Variants in SLC16A10 observed in about 807,000 individuals in gnomAD.
SLC16A10 encodes the protein solute carrier family 16 member 10.
SLC16A10 carries 27 observed loss-of-function variants against 40.0 expected under a neutral mutation model. The observed-to-expected ratio is 0.67, with a 90% CI of 0.50 to 0.93. The LOEUF is 0.93. Among genes scored for constraint, SLC16A10 ranks in the 40% least tolerant of loss-of-function variants. The probability of loss-of-function intolerance (pLI) is 0.00; values close to 1 mark genes in which losing one functional copy is unlikely to be tolerated. For missense variants in SLC16A10, 529 were observed against 658.2 expected (o/e 0.80, Z 2.15); for synonymous variants, 213 against 249.8 (o/e 0.85, Z 1.39).
intron 3 of SLC16A10, among the ~76,000 whole-genome samples, chr6:111,197,665 C>A (rs1773101069): frequency 6.6e-6 from 1 of 152,044 alleles, no homozygotes; most frequent in African/African-American, 2.4e-5. Flanking sequence ...CACGATTCTG[C>A]AGGCTGTATA....
At chr6:111,102,997 C>T (rs62421922) in intron 1 of SLC16A10, among the ~76,000 whole-genome samples, 11 of 152,040 alleles carry the variant, frequency 7.2e-5, no homozygotes, top group Middle Eastern at 3.2e-3. Context: ...CCTTGACTTC[C>T]CAGGCTCAAG....
At chr6:111,116,162 T>C (rs1771482674) in intron 1 of SLC16A10, among the ~76,000 whole-genome samples, 1 of 152,092 alleles carries the variant, frequency 6.6e-6, no homozygotes, top group African/African-American at 2.4e-5. Context: ...AAAAGCTAAA[T>C]GCATGAAGAG....
chr6:111,217,587 T>C (rs1347910264), intron 4 of SLC16A10, among the ~76,000 whole-genome samples: 9 of 125,706 alleles, frequency 7.2e-5, no homozygotes, highest in African/African-American at 2.3e-4. Context: ...GTAGCTGGGA[T>C]TACAGGCGCC....
chr6:111,206,525 G>C (rs1381398760), intron 3 of SLC16A10, 67 bp from the exon 4 acceptor site: 17 of 1,583,818 alleles, frequency 1.1e-5, no homozygotes, highest in Non-Finnish European at 1.5e-5. Flanking sequence ...TGCATTTGAT[G>C]CAAAGCCTCA....
At chr6:111,157,124 G>A (rs1299304978) in intron 1 of SLC16A10, among the ~76,000 whole-genome samples, 1 of 151,986 alleles carries the variant, frequency 6.6e-6, no homozygotes, top group Non-Finnish European at 1.5e-5. Flanking sequence ...TCACCATGTT[G>A]GCCAAGCTGG....
At chr6:111,089,491 G>T (rs1282861014) in intron 1 of SLC16A10, among the ~76,000 whole-genome samples, 1 of 152,204 alleles carries the variant, frequency 6.6e-6, no homozygotes, top group East Asian at 1.9e-4. Context: ...GTACACTCTC[G>T]TTATGCATGT....
chr6:111,218,011 T>G (rs1358830449), intron 4 of SLC16A10, among the ~76,000 whole-genome samples: 8 of 152,208 alleles, frequency 5.3e-5, no homozygotes, highest in Admixed American at 5.2e-4. Context: ...TATTAACTAC[T>G]CTAACACTGA....
At chr6:111,197,515 C>T (rs1040253928) in intron 3 of SLC16A10, among the ~76,000 whole-genome samples, 3 of 152,174 alleles carry the variant, frequency 2.0e-5, no homozygotes, top group Non-Finnish European at 2.9e-5. Flanking sequence ...TATCAAGTTA[C>T]CTCAGATCCC....
chr6:111,185,135 A>G (rs1167889667), intron 3 of SLC16A10, among the ~76,000 whole-genome samples: 1 of 152,250 alleles, frequency 6.6e-6, no homozygotes, highest in Non-Finnish European at 1.5e-5. Context: ...CACCACAAGG[A>G]TGAGTGTAAT....
At chr6:111,177,979 G>GC (rs1772718826) in intron 3 of SLC16A10, among the ~76,000 whole-genome samples, 1 of 152,122 alleles carries the variant, frequency 6.6e-6, no homozygotes, top group Admixed American at 6.6e-5. Context: ...TTCGAATCCA[G>GC]CCTAGACAAC....
intron 1 of SLC16A10, among the ~76,000 whole-genome samples, chr6:111,139,092 C>CTTCTTTTTTTTT (rs202229156): frequency 5.0e-5 from 6 of 118,894 alleles, no homozygotes; most frequent in Non-Finnish European, 1.0e-4. Flanking sequence ...TCTTCTTCTT[C>CTTCTTTTTTTTT]TTTTTTTTTT....
rs1336250819 is a variant in SLC16A10, at chr6:111,227,795, A to G, written c.*5560A>G. The G allele has an allele frequency of 6.6e-6, 1 of 152,164 alleles. No individual in the cohort carries two copies. The highest frequency in any genetic ancestry group is 1.5e-5 in the Non-Finnish European group (1 of 68,018). The allele number at this position is 152,164 out of a possible 1,614,324, so 9.4% of individuals were successfully genotyped here. ...AAGTTGGAAAGACAGTAGGAACAAA[A>G]TGAAACCTTTCTAAGTACTTGATGA... On this transcript the variant is annotated 3_prime_UTR_variant, in exon 6 of 6. Transcript: ENST00000368851.
intron 1 of SLC16A10, among the ~76,000 whole-genome samples, chr6:111,156,209 C>T (rs1772267104): frequency 6.6e-6 from 1 of 152,184 alleles, no homozygotes; most frequent in African/African-American, 2.4e-5. Flanking sequence ...ACAAATCCCC[C>T]ATGCAGAAGA....
intron 1 of SLC16A10, among the ~76,000 whole-genome samples, chr6:111,092,956 G>C (rs536768439): frequency 2.0e-5 from 3 of 151,098 alleles, no homozygotes; most frequent in Non-Finnish European, 4.4e-5. Context: ...CAGGAGAATT[G>C]CTTGAACCTG....
At chr6:111,149,477 C>G (rs1204730991) in intron 1 of SLC16A10, among the ~76,000 whole-genome samples, 2 of 152,194 alleles carry the variant, frequency 1.3e-5, no homozygotes, top group African/African-American at 4.8e-5. Flanking sequence ...AAAGCAGGAC[C>G]TGGGTCATAT....
rs1483164727 is a variant in SLC16A10 at position 111,225,620 on chromosome 6, C to A, written c.*3385C>A. 3 of 151,292 alleles carry A rather than the reference C, an allele frequency of 2.0e-5. No homozygotes were observed. In the South Asian group the frequency reaches 6.3e-4, roughly 32 times the overall value. 9.4% of individuals were successfully genotyped at this position (151,292 alleles called of 1,614,324 possible). A position where few individuals can be genotyped will look rare whatever the true frequency, so the allele number is the denominator to read the frequency against. On this transcript the variant is annotated 3_prime_UTR_variant, in exon 6 of 6. Coordinates refer to ENST00000368851, the MANE Select transcript of SLC16A10 (RefSeq NM_018593.5). ...CATGTTTACTTCGGATAATTCTAATCCTTTTAGCTGCATTTAAGAATATTT... is the reference window on the plus strand; with the variant it reads ...CATGTTTACTTCGGATAATTCTAATACTTTTAGCTGCATTTAAGAATATTT...
At chr6:111,185,856 T>G (rs1390401599) in intron 3 of SLC16A10, among the ~76,000 whole-genome samples, 1 of 151,960 alleles carries the variant, frequency 6.6e-6, no homozygotes, top group Non-Finnish European at 1.5e-5. Flanking sequence ...AGAATTAGTG[T>G]GTTGGAAAAC....
chr6:111,190,049 A>G (rs1772963665), intron 3 of SLC16A10, among the ~76,000 whole-genome samples: 1 of 152,200 alleles, frequency 6.6e-6, no homozygotes, highest in Non-Finnish European at 1.5e-5. Context: ...CTGCCTATGA[A>G]TCTGTGAAAT....
chr6:111,197,249 TC>T (rs1773094319), intron 3 of SLC16A10, among the ~76,000 whole-genome samples: 1 of 152,130 alleles, frequency 6.6e-6, no homozygotes, highest in Admixed American at 6.5e-5. Flanking sequence ...TTAGCCAACA[TC>T]ATTAGCCTAA....
Sources: allele counts gnomAD v4.1 joint callset (sites outside exome capture counted in the v4.1 genomes callset), GRCh38; gene constraint gnomAD v4.1.1; transcripts MANE v1.5; gene names NCBI Gene and HGNC (gene_info 2026-07-23, HGNC 2026-07-21).